The following LYPD5 variants were observed in gnomAD, a reference collection of about 807,000 sequenced individuals.
LYPD5 encodes LY6/PLAUR domain containing 5, also known as ly6/PLAUR domain-containing protein 5.
A neutral mutation model predicts 19.1 loss-of-function variants in LYPD5; 21 were observed. The observed-to-expected ratio is 1.10, with a 90% CI of 0.78 to 1.58. LYPD5 has a LOEUF of 1.58. Among genes scored for constraint, LYPD5 ranks in the 40% most tolerant of loss-of-function variants. The probability of loss-of-function intolerance (pLI) is 0.00; values close to 1 mark genes in which losing one functional copy is unlikely to be tolerated. For missense variants in LYPD5, 287 were observed against 329.8 expected, an observed-to-expected ratio of 0.87 and a Z score of 1.00; for synonymous variants, 128 against 142.7, an observed-to-expected ratio of 0.90 and a Z score of 0.74.
chr19:43,798,615 G>A lies in LYPD5; in HGVS notation c.371-14C>T, dbSNP rs544033261. 10 of 1,609,830 alleles carry A rather than the reference G, an allele frequency of 6.2e-6. No homozygotes were observed. The highest frequency in any genetic ancestry group is 1.7e-5 in the Admixed American group (1 of 60,014). The stretch of plus-strand genomic sequence containing the variant: ...GCGGGTCGGGTGCTGGCAAGAGAGC[G>A]TAGATGCACACTCAGGCAGTGGTAC... On this transcript the variant is annotated splice_polypyrimidine_tract_variant and intron_variant, in intron 3 of 4. Coordinates refer to ENST00000377950, the MANE Select transcript of LYPD5 (RefSeq NM_001031749.3).
At chr19:43,802,552 T>TACGACGA, upstream of LYPD5, 4 of 436,194 alleles carry the variant, frequency 9.2e-6, no homozygotes, top group South Asian at 4.5e-5. Flanking sequence ...AACAGGGTGA[T>TACGACGA]CCTCAGTTGC....
rs112927142 is a variant in LYPD5 at position 43,811,924 on chromosome 19, A to G, written c.-66+8616T>C. ...AATGTAGGGGCTTAAAACATCAAGC[A>G]TTTTACCCCTCTCCAAATCCTGTGT... On this transcript the variant is annotated intron_variant, in intron 1 of 4. Transcript: ENST00000414615. Among the ~76,000 whole-genome samples the G allele has an allele frequency of 4.6e-5, 7 of 152,228 alleles. 1 individual carries two copies. Among genetic ancestry groups the G allele is most frequent in the African/African-American group, 1.7e-4 (7 of 41,530 alleles).
At chr19:43,797,979 G>A (rs1970156504) in intron 4 of LYPD5, 150 bp from the exon 5 acceptor site, 1 of 651,344 alleles carries the variant, frequency 1.5e-6, no homozygotes, top group Non-Finnish European at 2.7e-6. Flanking sequence ...CCTCAGACCA[G>A]GGCCATGCCT....
At chr19:43,802,533 C>T (rs539679297), upstream of LYPD5, 15 of 633,092 alleles carry the variant, frequency 2.4e-5, no homozygotes, top group African/African-American at 9.1e-5. Flanking sequence ...CCTAGGTAAT[C>T]GTGATGGAAA....
intron 1 of LYPD5, among the ~76,000 whole-genome samples, chr19:43,808,226 C>T (rs1970287720): frequency 6.6e-6 from 1 of 152,116 alleles, no homozygotes; most frequent in African/African-American, 2.4e-5. Flanking sequence ...ATGTCTCAGC[C>T]TCCGGAGAGG....
intron 1 of LYPD5, among the ~76,000 whole-genome samples, chr19:43,816,741 T>C (rs1195409545): frequency 1.3e-5 from 2 of 152,254 alleles, no homozygotes; most frequent in African/African-American, 2.4e-5. Context: ...TCTTGAATTG[T>C]AGCTCCCATA....
rs1303281292 is a variant in LYPD5, at chr19:43,798,448, C to T, written c.517+7G>A. ...GCCCAGGCCCTTCCACCCTTCCAGC[C>T]CCTTACCAACTGTCATTCTGCCATT... On this transcript the variant is annotated splice_region_variant and intron_variant, in intron 4 of 4. Coordinates refer to ENST00000377950, the MANE Select transcript of LYPD5 (RefSeq NM_001031749.3). 6.2e-7 allele frequency: 1 copy of T among 1,605,140 alleles called. No homozygotes were observed. Among genetic ancestry groups the T allele is most frequent in the Admixed American group, 1.7e-5 (1 of 60,024 alleles).
At chr19:43,806,109 G>A (rs1458522336), upstream of LYPD5, among the ~76,000 whole-genome samples, 2 of 152,136 alleles carry the variant, frequency 1.3e-5, no homozygotes, top group Non-Finnish European at 2.9e-5. Context: ...TGTTAGGAAC[G>A]GGGCCGCACA....
intron 1 of LYPD5, among the ~76,000 whole-genome samples, chr19:43,809,744 ATAAT>A (rs1222678414): frequency 6.6e-6 from 1 of 152,246 alleles, no homozygotes; most frequent in Non-Finnish European, 1.5e-5. Context: ...GGTAGAGTAA[ATAAT>A]TAGATGAAAA....
intron 1 of LYPD5, among the ~76,000 whole-genome samples, chr19:43,818,758 A>G (rs1309056057): frequency 6.6e-6 from 1 of 152,228 alleles, no homozygotes; most frequent in Non-Finnish European, 1.5e-5. Context: ...TGAGGCTGAG[A>G]GGATCTGAAG....
In LYPD5 at chr19:43,799,554, T is replaced by G. The variant is rs1970193398; in HGVS notation, c.193+152A>C. ...CACTGCCCCAGCCCTCATCCACCCT[T>G]TTCTTTTTCTTCCTCCTCTTCTTCC... is the stretch of plus-strand genomic sequence containing the variant. On this transcript the variant is annotated intron_variant, in intron 2 of 4. Transcript: ENST00000377950. The G allele has an allele frequency of 2.5e-5, 23 of 914,116 alleles. No homozygotes were observed. In the South Asian group the frequency reaches 3.6e-4, roughly 14 times the overall value. The allele number at this position is 914,116 out of a possible 1,614,324, so 56.6% of individuals were successfully genotyped here. A position where few individuals can be genotyped will look rare whatever the true frequency, so the allele number is the denominator to read the frequency against.
At chr19:43,814,810 C>T (rs940194245) in intron 1 of LYPD5, among the ~76,000 whole-genome samples, 2 of 152,218 alleles carry the variant, frequency 1.3e-5, no homozygotes, top group African/African-American at 4.8e-5. Context: ...ATCTAGATCT[C>T]TTACAATGAA....
At position 43,814,631 on chromosome 19, in the gene LYPD5, A is replaced by G. The variant is rs1332424533; in HGVS notation, c.-66+5909T>C. 2.0e-5 allele frequency among the ~76,000 whole-genome samples: 3 copies of G among 152,206 alleles called. No individual in the cohort carries two copies. In the East Asian group the frequency reaches 5.8e-4, roughly 29 times the overall value. Reference sequence around the variant, plus strand: ...TGATAATTTAGGTTCAGCTTCCAAAATACATCAGTCACACTGATCCATCTG... The same window carrying G: ...TGATAATTTAGGTTCAGCTTCCAAAGTACATCAGTCACACTGATCCATCTG... On this transcript the variant is annotated intron_variant, in intron 1 of 4. Coordinates refer to the LYPD5 transcript ENST00000414615.
Position 43,808,230 on chromosome 19 carries a change from G to A in LYPD5, c.-65-8396C>T, listed in dbSNP as rs1388996769. ...AAGTGATTCTTATGTCTCAGCCTCC[G>A]GAGAGGCTGGGATTACAGGTGTCTG... On this transcript the variant is annotated intron_variant, in intron 1 of 4. Coordinates refer to the LYPD5 transcript ENST00000414615. Among the ~76,000 whole-genome samples the A allele has an allele frequency of 3.9e-5, 6 of 152,056 alleles. No individual in the cohort carries two copies. In the East Asian group the frequency reaches 9.7e-4, roughly 25 times the overall value.
rs1970231023 is a variant in LYPD5, at chr19:43,802,207, AC to A, written c.64+109del. On this transcript the variant is annotated intron_variant, in intron 1 of 4. Transcript: ENST00000377950. Reference sequence around the variant, plus strand: ...TCAGACCCAGGAGATCAGGCCCCCAACCCCTCCTCCCTCAGACCCAGGAGTC... The same window carrying A: ...TCAGACCCAGGAGATCAGGCCCCCAACCCTCCTCCCTCAGACCCAGGAGTC... 6.2e-6 allele frequency: 4 copies of A among 647,116 alleles called. No homozygotes were observed. The East Asian group carries it at 1.4e-4, about 22-fold the overall frequency. 40.1% of individuals were successfully genotyped at this position (647,116 alleles called of 1,614,324 possible).
Position 43,797,526 on chromosome 19 carries a change from G to A in LYPD5, c.*65C>T, listed in dbSNP as rs1970148423. ...AACATCATTTTCCAGTGAGCTATGT[G>A]ATAGGGGCTGAAGCAGCAAGAATGA... On this transcript the variant is annotated 3_prime_UTR_variant, in exon 5 of 5. Transcript: ENST00000377950. 1.6e-6 allele frequency: 2 copies of A among 1,256,450 alleles called. No individual in the cohort carries two copies. Among genetic ancestry groups the A allele is most frequent in the Non-Finnish European group, 2.2e-6 (2 of 891,694 alleles). The allele number at this position is 1,256,450 out of a possible 1,614,324, so 77.8% of individuals were successfully genotyped here.
chr19:43,817,308 C>G (rs1220120051), intron 1 of LYPD5, among the ~76,000 whole-genome samples: 1 of 152,116 alleles, frequency 6.6e-6, no homozygotes, highest in Non-Finnish European at 1.5e-5. Context: ...CCCATGGGAG[C>G]TGGGTTCAAA....
chr19:43,810,924 C>T (rs1253054955), intron 1 of LYPD5, among the ~76,000 whole-genome samples: 1 of 152,022 alleles, frequency 6.6e-6, no homozygotes, highest in Non-Finnish European at 1.5e-5. Context: ...GCCACTGCGC[C>T]CAGCCTAACA....
chr19:43,815,682 A>G (rs534933694), intron 1 of LYPD5: 96 of 270,060 alleles, frequency 3.6e-4, no homozygotes, highest in African/African-American at 2.1e-3. Context: ...TATCATATAA[A>G]TCATATATGT....
Sources: allele counts gnomAD v4.1 joint callset (sites outside exome capture counted in the v4.1 genomes callset), GRCh38; gene constraint gnomAD v4.1.1; transcripts MANE v1.5; gene names NCBI Gene and HGNC (gene_info 2026-07-23, HGNC 2026-07-21).